SPATA13: variants seen among roughly 807,000 people sequenced by gnomAD.
The protein encoded by SPATA13 is spermatogenesis-associated protein 13.
A neutral mutation model predicts 104.0 loss-of-function variants in SPATA13; 50 were observed. That is an observed-to-expected ratio of 0.48 (90% CI 0.38 to 0.61). The LOEUF is 0.61. Among genes scored for constraint, SPATA13 ranks in the 20% least tolerant of loss-of-function variants. The pLI, the probability that SPATA13 is intolerant of heterozygous loss-of-function variation, is 0.00. For synonymous variants in SPATA13, 606 were observed against 667.5 expected (o/e 0.91, Z 1.42); for missense variants, 1,524 against 1,690.6 (o/e 0.90, Z 1.73).
In SPATA13 at chr13:24,224,284, A is replaced by C. The variant is rs1315796734; in HGVS notation, c.1355A>C (p.Gln452Pro). ...KDSCDPNAGS[Q>P]LTFDPEQPPT... ...TCCTGTGACCCAAACGCTGGCAGCCAGTTGACATTTGACCCTGAGCAGCCT... is the reference window on the plus strand; with the variant it reads ...TCCTGTGACCCAAACGCTGGCAGCCCGTTGACATTTGACCCTGAGCAGCCT... The change falls in exon 2 of 13, where the codon CAG becomes CCG. Residue 452 changes from glutamine to proline, a missense_variant. Gln to Pro is a moderately conservative substitution (Grantham distance 76). Transcript: ENST00000382108. 1 of 1,551,720 alleles carries C rather than the reference A, an allele frequency of 6.4e-7. No homozygotes were observed. The highest frequency in any genetic ancestry group is 1.4e-5 in the African/African-American group (1 of 73,152).
Position 24,197,454 on chromosome 13 carries a change from C to T in SPATA13, c.-111-25365C>T, listed in dbSNP as rs1870126731. ...CAATGAGGGAACCAGCAGGATGTTG[C>T]CACTGACTTAGTCTGTCAGGAAAGG... is the stretch of plus-strand genomic sequence containing the variant. On this transcript the variant is annotated intron_variant, in intron 1 of 12. Transcript: ENST00000382108. Among the ~76,000 whole-genome samples the T allele has an allele frequency of 1.3e-5, 2 of 152,132 alleles. 1 individual carries two copies. The highest frequency in any genetic ancestry group is 4.2e-4 in the South Asian group (2 of 4,814).
intron 4 of SPATA13, among the ~76,000 whole-genome samples, chr13:24,274,694 T>C (rs1409996946): frequency 2.0e-5 from 3 of 152,222 alleles, no homozygotes; most frequent in Non-Finnish European, 2.9e-5. Flanking sequence ...GAATGGCTTA[T>C]CTCAACTCTG....
intron 4 of SPATA13, among the ~76,000 whole-genome samples, chr13:24,256,976 C>T (rs1873821838): frequency 6.6e-6 from 1 of 152,236 alleles, no homozygotes; most frequent in Non-Finnish European, 1.5e-5. Context: ...GCCGCCTTTG[C>T]TTTGCTTTCA....
intron 1 of SPATA13, among the ~76,000 whole-genome samples, chr13:24,174,741 T>C (rs1883146961): frequency 6.6e-6 from 1 of 152,102 alleles, no homozygotes; most frequent in African/African-American, 2.4e-5. Flanking sequence ...CACGCCTGGC[T>C]AATATTTGAA....
chr13:24,292,676 G>C (rs796599944), intron 9 of SPATA13, among the ~76,000 whole-genome samples: 8 of 152,110 alleles, frequency 5.3e-5, no homozygotes, highest in African/African-American at 1.9e-4. Flanking sequence ...CTCTGCCTCT[G>C]AACTCCTGTG....
At chr13:24,008,276 C>T (rs1035576912) in intron 2 of SPATA13, among the ~76,000 whole-genome samples, 1 of 152,196 alleles carries the variant, frequency 6.6e-6, no homozygotes, top group Non-Finnish European at 1.5e-5. Context: ...TGAATTCACT[C>T]CTGAAGGTTG....
intron 3 of SPATA13, among the ~76,000 whole-genome samples, chr13:24,032,697 A>AACTTT (rs1343497333): frequency 1.3e-5 from 2 of 152,240 alleles, no homozygotes; most frequent in Non-Finnish European, 2.9e-5. Context: ...ACTTCAAAAT[A>AACTTT]ACTTTATATT....
chr13:24,074,672 G>A (rs1229091008), intron 3 of SPATA13, among the ~76,000 whole-genome samples: 1 of 152,118 alleles, frequency 6.6e-6, no homozygotes, highest in Non-Finnish European at 1.5e-5. Context: ...TAGGGAACTT[G>A]CTCAAATAAC....
At chr13:24,007,178 G>A (rs765389334) in intron 2 of SPATA13, among the ~76,000 whole-genome samples, 1 of 152,142 alleles carries the variant, frequency 6.6e-6, no homozygotes, top group African/African-American at 2.4e-5. Flanking sequence ...GGCCTGTGCC[G>A]GTTGCCTGGT....
chr13:24,103,981 G>A (rs983853338), intron 3 of SPATA13, among the ~76,000 whole-genome samples: 4 of 152,290 alleles, frequency 2.6e-5, no homozygotes, highest in African/African-American at 2.4e-5. Flanking sequence ...AAGTAGGGCC[G>A]ATTCCAGCAC....
chr13:23,980,400 A>T (rs571321756), intron 1 of SPATA13, among the ~76,000 whole-genome samples: 1 of 152,166 alleles, frequency 6.6e-6, no homozygotes, highest in South Asian at 2.1e-4. Flanking sequence ...TCACTGCGTG[A>T]GCCCCCACTC....
At chr13:24,294,482 C>G (rs1876614662) in intron 9 of SPATA13, among the ~76,000 whole-genome samples, 1 of 152,188 alleles carries the variant, frequency 6.6e-6, no homozygotes, top group South Asian at 2.1e-4. Flanking sequence ...TACTGTCATT[C>G]ATTGTAATTT....
intron 3 of SPATA13, among the ~76,000 whole-genome samples, chr13:24,150,634 G>C (rs898057627): frequency 2.0e-5 from 3 of 152,154 alleles, no homozygotes; most frequent in African/African-American, 7.2e-5. Context: ...TGGAGACTCA[G>C]GTAAAAGTTG....
chr13:24,152,101 C>T (rs1882115048), intron 3 of SPATA13, among the ~76,000 whole-genome samples: 1 of 152,182 alleles, frequency 6.6e-6, no homozygotes, highest in African/African-American at 2.4e-5. Context: ...TAACAAAATA[C>T]CTTAGACTCA....
intron 4 of SPATA13, chr13:24,270,743 G>A: frequency 1.9e-6 from 3 of 1,569,268 alleles, no homozygotes; most frequent in South Asian, 2.3e-5. Context: ...GTGAATAAGC[G>A]ATTTCTGCAG....
intron 3 of SPATA13, among the ~76,000 whole-genome samples, chr13:24,105,515 C>T (rs1166543738): frequency 1.3e-5 from 2 of 151,352 alleles, no homozygotes; most frequent in Middle Eastern, 6.8e-3. Flanking sequence ...GCACCAAGCA[C>T]AATGAGAGAG....
chr13:24,226,702 C>T (rs192089970), intron 2 of SPATA13, among the ~76,000 whole-genome samples: 6 of 152,282 alleles, frequency 3.9e-5, no homozygotes, highest in Admixed American at 2.6e-4. Context: ...TGGGGAGGAC[C>T]TCAGTTTTGT....
At chr13:24,075,770 A>T (rs9507239) in intron 3 of SPATA13, among the ~76,000 whole-genome samples, 33,854 of 152,110 alleles carry the variant, frequency 0.22, 4,030 homozygotes, top group Non-Finnish European at 0.27. Flanking sequence ...AGTGGACGGG[A>T]AGCACTGTTC....
chr13:24,180,922 G>GTACACA (rs1252590829), intron 1 of SPATA13, among the ~76,000 whole-genome samples: 1 of 152,164 alleles, frequency 6.6e-6, no homozygotes. Flanking sequence ...CACAAAGCTA[G>GTACACA]ATGGTACAGC....
Sources: allele counts gnomAD v4.1 joint callset (sites outside exome capture counted in the v4.1 genomes callset), GRCh38; gene constraint gnomAD v4.1.1; transcripts MANE v1.5; gene names NCBI Gene and HGNC (gene_info 2026-07-23, HGNC 2026-07-21).